The following SLC10A7 variants were observed in gnomAD, a reference collection of about 807,000 sequenced individuals.
SLC10A7 encodes solute carrier family 10 member 7.
A neutral mutation model predicts 43.2 loss-of-function variants in SLC10A7; 29 were observed. The ratio of observed to expected loss-of-function variants is 0.67; its 90% CI spans 0.50 to 0.92. SLC10A7 has a LOEUF of 0.92. SLC10A7 is among the 40% of genes least tolerant of loss of function. SLC10A7 has a pLI of 0.00. For synonymous variants in SLC10A7, 152 were observed against 144.8 expected (o/e 1.05, Z -0.35); for missense variants, 295 against 403.2 (o/e 0.73, Z 2.30).
intron 5 of SLC10A7, among the ~76,000 whole-genome samples, chr4:146,351,474 CAGG>C (rs1735098433): frequency 6.6e-6 from 1 of 150,704 alleles, no homozygotes; most frequent in Admixed American, 6.6e-5. Context: ...GGATATTATC[CAGG>C]AGAACTTCCC....
intron 5 of SLC10A7, among the ~76,000 whole-genome samples, chr4:146,350,796 T>G (rs1469532555): frequency 9.2e-6 from 1 of 108,446 alleles, no homozygotes; most frequent in Non-Finnish European, 1.8e-5. Context: ...CGGCAGGGTA[T>G]TCCAACAGAC....
intron 5 of SLC10A7, among the ~76,000 whole-genome samples, chr4:146,403,612 G>A (rs1379565202): frequency 2.0e-5 from 3 of 152,136 alleles, no homozygotes; most frequent in Non-Finnish European, 4.4e-5. Context: ...ATGCTTATAT[G>A]TGCAATTTGG....
intron 5 of SLC10A7, among the ~76,000 whole-genome samples, chr4:146,391,516 A>C (rs1379755768): frequency 6.6e-6 from 1 of 152,236 alleles, no homozygotes; most frequent in Non-Finnish European, 1.5e-5. Context: ...AGTGTACCTC[A>C]GCCCCTCAGT....
At chr4:146,403,113 T>G (rs1579096194) in intron 5 of SLC10A7, among the ~76,000 whole-genome samples, 2 of 152,364 alleles carry the variant, frequency 1.3e-5, no homozygotes, top group African/African-American at 4.8e-5. Context: ...TTGTTATTAC[T>G]GCTAGTAGTA....
At chr4:146,361,721 A>G (rs1175526028) in intron 5 of SLC10A7, among the ~76,000 whole-genome samples, 2 of 152,202 alleles carry the variant, frequency 1.3e-5, no homozygotes, top group African/African-American at 2.4e-5. Context: ...GGAAAACATG[A>G]CATCAACAAA....
At chr4:146,351,257 C>T (rs1414944872) in intron 5 of SLC10A7, among the ~76,000 whole-genome samples, 8 of 148,944 alleles carry the variant, frequency 5.4e-5, no homozygotes, top group East Asian at 2.0e-4. Flanking sequence ...GGAGCTGATA[C>T]GATCAACTGG....
intron 5 of SLC10A7, among the ~76,000 whole-genome samples, chr4:146,354,924 C>T (rs1167602696): frequency 3.2e-5 from 4 of 123,376 alleles, no homozygotes; most frequent in Admixed American, 2.6e-4. Flanking sequence ...AGACCTAAAA[C>T]CATAAAAACC....
intron 5 of SLC10A7, among the ~76,000 whole-genome samples, chr4:146,333,640 G>A (rs561225819): frequency 4.6e-5 from 7 of 152,240 alleles, no homozygotes; most frequent in Non-Finnish European, 8.8e-5. Flanking sequence ...AGAGCAGAAC[G>A]TGAGGAGTGC....
intron 5 of SLC10A7, among the ~76,000 whole-genome samples, chr4:146,387,344 A>G (rs992496456): frequency 6.6e-6 from 1 of 152,246 alleles, no homozygotes; most frequent in Non-Finnish European, 1.5e-5. Context: ...GATTCGCCAC[A>G]TAAACAGAAT....
At chr4:146,505,581 T>C (rs1197369359) in intron 3 of SLC10A7, among the ~76,000 whole-genome samples, 1 of 152,236 alleles carries the variant, frequency 6.6e-6, no homozygotes, top group Non-Finnish European at 1.5e-5. Context: ...CTAAACTTTA[T>C]GCAATGGATT....
At chr4:146,356,751 T>TC (rs770666444) in intron 5 of SLC10A7, among the ~76,000 whole-genome samples, 1 of 152,146 alleles carries the variant, frequency 6.6e-6, no homozygotes, top group Non-Finnish European at 1.5e-5. Context: ...TTTGTCTTCT[T>TC]CCCCCTGCAT....
intron 10 of SLC10A7, among the ~76,000 whole-genome samples, chr4:146,270,982 G>A (rs927853638): frequency 3.3e-5 from 5 of 152,240 alleles, no homozygotes; most frequent in East Asian, 1.9e-4. Flanking sequence ...AGAAGAATAC[G>A]GGCTTGCAAG....
intron 5 of SLC10A7, among the ~76,000 whole-genome samples, chr4:146,364,597 C>T (rs962787269): frequency 9.2e-5 from 14 of 151,996 alleles, no homozygotes; most frequent in African/African-American, 3.4e-4. Flanking sequence ...ATGGAGATAG[C>T]AGAGTGATGG....
chr4:146,317,837 T>C (rs528912186), intron 6 of SLC10A7, among the ~76,000 whole-genome samples: 1 of 152,080 alleles, frequency 6.6e-6, no homozygotes, highest in East Asian at 1.9e-4. Context: ...AGCTAAGAGT[T>C]ATACTATTGG....
intron 6 of SLC10A7, among the ~76,000 whole-genome samples, chr4:146,318,268 C>T (rs948718874): frequency 6.6e-6 from 1 of 152,026 alleles, no homozygotes; most frequent in African/African-American, 2.4e-5. Flanking sequence ...TTTCCTCAAC[C>T]CATCCAATCA....
At chr4:146,309,345 C>T (rs1380748255) in intron 6 of SLC10A7, among the ~76,000 whole-genome samples, 1 of 152,130 alleles carries the variant, frequency 6.6e-6, no homozygotes, top group Non-Finnish European at 1.5e-5. Context: ...GCAGAGTGAC[C>T]ACTTTCTACA....
At chr4:146,488,858 C>T (rs1014456208) in intron 4 of SLC10A7, among the ~76,000 whole-genome samples, 5 of 152,178 alleles carry the variant, frequency 3.3e-5, no homozygotes, top group Admixed American at 3.3e-4. Context: ...ATATGAATTA[C>T]TGCCTTAATA....
intron 5 of SLC10A7, among the ~76,000 whole-genome samples, chr4:146,352,043 T>A (rs1735157355): frequency 9.1e-6 from 1 of 109,400 alleles, no homozygotes; most frequent in Non-Finnish European, 1.8e-5. Flanking sequence ...CAATATTAAC[T>A]TTAAATATAA....
At position 146,256,834 on chromosome 4, in the gene SLC10A7, T is replaced by A. The variant is rs560154516; in HGVS notation, c.994-314A>T. 612 of 1,533,700 alleles carry A rather than the reference T, an allele frequency of 4.0e-4. 3 individuals are homozygous for A. In the African/African-American group the frequency reaches 7.6e-3, roughly 19 times the overall value. ...GAGGCACTCATGGATACCTGGAGGA[T>A]GGACTCTTGGTATTTATTTTAATGC... On this transcript the variant is annotated intron_variant, in intron 11 of 11. Coordinates refer to ENST00000335472, the MANE Select transcript of SLC10A7 (RefSeq NM_001029998.6).
Sources: gnomAD v4.1 joint callset for allele counts (sites outside exome capture counted in the v4.1 genomes callset) on GRCh38, gnomAD v4.1.1 for gene constraint, MANE v1.5 for transcripts, NCBI Gene and HGNC (gene_info 2026-07-23, HGNC 2026-07-21) for gene names.